The following NRXN3 variants were observed in gnomAD, a reference collection of about 807,000 sequenced individuals.
NRXN3 encodes the protein neurexin 3, also known as neurexin III.
A neutral mutation model predicts 137.6 loss-of-function variants in NRXN3; 32 were observed. That is an observed-to-expected ratio of 0.23 (90% CI 0.18 to 0.31). The LOEUF (loss-of-function observed/expected upper bound fraction) is 0.31, where lower values mean the gene tolerates loss of function less well. Among genes scored for constraint, NRXN3 ranks in the 10% least tolerant of loss-of-function variants. NRXN3 has a pLI of 1.00. For synonymous variants in NRXN3, 798 were observed against 784.5 expected, an observed-to-expected ratio of 1.02 and a Z score of -0.29; for missense variants, 1,574 against 2,062.5, an observed-to-expected ratio of 0.76 and a Z score of 4.59.
intron 4 of NRXN3, among the ~76,000 whole-genome samples, chr14:78,636,408 G>A (rs546049973): frequency 2.6e-5 from 4 of 152,186 alleles, no homozygotes; most frequent in Admixed American, 6.6e-5. Flanking sequence ...TAAAAGGCAG[G>A]TCACCTGGGA....
intron 4 of NRXN3, among the ~76,000 whole-genome samples, chr14:78,301,484 C>T (rs968410259): frequency 5.3e-5 from 8 of 152,252 alleles, no homozygotes; most frequent in African/African-American, 9.6e-5. Flanking sequence ...GTCAGAGACC[C>T]GAGCCTAGAG....
intron 10 of NRXN3, among the ~76,000 whole-genome samples, chr14:78,858,324 A>G (rs377521605): frequency 4.6e-4 from 70 of 152,112 alleles, no homozygotes; most frequent in African/African-American, 1.3e-3. Flanking sequence ...GAGCTATACC[A>G]TTGAATTATT....
intron 20 of NRXN3, among the ~76,000 whole-genome samples, chr14:79,810,189 G>T (rs1314386471): frequency 6.6e-6 from 1 of 151,500 alleles, no homozygotes; most frequent in Admixed American, 6.6e-5. Flanking sequence ...GGAGGCCACA[G>T]AGCAGAGCGA....
At chr14:78,173,861 G>T (rs1001840378) in intron 1 of NRXN3, among the ~76,000 whole-genome samples, 1 of 151,542 alleles carries the variant, frequency 6.6e-6, no homozygotes, top group Non-Finnish European at 1.5e-5. Context: ...ATACACAGGC[G>T]CCAAGGGCTT....
chr14:79,326,897 C>T (rs1171861653), intron 15 of NRXN3, among the ~76,000 whole-genome samples: 1 of 152,200 alleles, frequency 6.6e-6, no homozygotes, highest in Admixed American at 6.5e-5. Flanking sequence ...CTCTCTCTGA[C>T]TGTACCTGCT....
chr14:79,017,451 ATACAT>A (rs1568000255), intron 15 of NRXN3, among the ~76,000 whole-genome samples: 1 of 151,662 alleles, frequency 6.6e-6, no homozygotes, highest in Non-Finnish European at 1.5e-5. Context: ...TATCAACTTT[ATACAT>A]TGGACCCCAT....
intron 15 of NRXN3, among the ~76,000 whole-genome samples, chr14:79,119,095 T>C (rs1357213779): frequency 6.6e-6 from 1 of 152,222 alleles, no homozygotes; most frequent in Non-Finnish European, 1.5e-5. Flanking sequence ...TAAATTCCTC[T>C]TCAAAATTTA....
At chr14:78,262,519 C>G (rs2070914164) in intron 2 of NRXN3, among the ~76,000 whole-genome samples, 1 of 152,176 alleles carries the variant, frequency 6.6e-6, no homozygotes, top group South Asian at 2.1e-4. Flanking sequence ...CCTTGAGAAA[C>G]TTATTGCTCG....
At chr14:78,435,267 C>T (rs756225024) in intron 4 of NRXN3, among the ~76,000 whole-genome samples, 15 of 152,052 alleles carry the variant, frequency 9.9e-5, no homozygotes, top group Non-Finnish European at 2.1e-4. Context: ...TGGTGGAATC[C>T]AGACATAGTA....
intron 4 of NRXN3, among the ~76,000 whole-genome samples, chr14:78,564,366 T>C (rs1347468346): frequency 6.6e-6 from 1 of 152,196 alleles, no homozygotes; most frequent in Non-Finnish European, 1.5e-5. Context: ...TCACAAATGC[T>C]CCTCAGAATG....
intron 6 of NRXN3, among the ~76,000 whole-genome samples, chr14:78,685,338 A>G (rs1480553593): frequency 6.6e-6 from 1 of 152,132 alleles, no homozygotes. Context: ...TATCTACTCA[A>G]AACCCTCCAG....
chr14:79,239,762 C>T (rs1329533035), intron 15 of NRXN3, among the ~76,000 whole-genome samples: 1 of 152,088 alleles, frequency 6.6e-6, no homozygotes, highest in Non-Finnish European at 1.5e-5. Context: ...AAGTGTTCAT[C>T]AGAGGATAAA....
Position 79,864,099 on chromosome 14 carries a change from T to C in NRXN3, c.*2135T>C, listed in dbSNP as rs1415235215. Reference sequence around the variant, plus strand: ...GGCCCAGCCTATACGAAGTTGATTATATCTCGATGTCTGTAAAAGATTGCT... The same window carrying C: ...GGCCCAGCCTATACGAAGTTGATTACATCTCGATGTCTGTAAAAGATTGCT... On this transcript the variant is annotated 3_prime_UTR_variant, in exon 21 of 21. Coordinates refer to ENST00000335750, the MANE Select transcript of NRXN3 (RefSeq NM_001330195.2). The C allele has an allele frequency of 4.6e-5, 7 of 152,674 alleles. 1 individual carries two copies. Among genetic ancestry groups the C allele is most frequent in the Admixed American group, 4.6e-4 (7 of 15,288 alleles). The allele number at this position is 152,674 out of a possible 1,614,324, so 9.5% of individuals were successfully genotyped here.
chr14:78,243,854 C>T lies in NRXN3; in HGVS notation c.709+52C>T, dbSNP rs1442649836. ...AGACCCACCCACGGGATGGCTGAGG[C>T]TGGGGCTCCTGATACAAACCAGTTC... is the stretch of plus-strand genomic sequence containing the variant. On this transcript the variant is annotated intron_variant, in intron 2 of 20. Transcript: ENST00000335750. This position sits in a 1 kb window ranked among gnomAD's most constrained non-coding sequence, Gnocchi z 4.2. 3.7e-6 allele frequency: 5 copies of T among 1,365,786 alleles called. No homozygotes were observed. The African/African-American group carries it at 5.8e-5, about 16-fold the overall frequency. The allele number at this position is 1,365,786 out of a possible 1,614,324, so 84.6% of individuals were successfully genotyped here. A position where few individuals can be genotyped will look rare whatever the true frequency, so the allele number is the denominator to read the frequency against.
chr14:79,843,257 T>C (rs966113658), intron 20 of NRXN3, among the ~76,000 whole-genome samples: 7 of 152,354 alleles, frequency 4.6e-5, no homozygotes, highest in African/African-American at 1.7e-4. Flanking sequence ...TATAAAAGTA[T>C]GTTTATACCA....
At chr14:79,696,966 A>G (rs966872179) in intron 18 of NRXN3, among the ~76,000 whole-genome samples, 2 of 151,972 alleles carry the variant, frequency 1.3e-5, no homozygotes, top group African/African-American at 4.8e-5. Flanking sequence ...AAACAAATTA[A>G]TAGAGATAGG....
intron 15 of NRXN3, among the ~76,000 whole-genome samples, chr14:79,253,250 C>T (rs763146970): frequency 1.8e-4 from 27 of 152,230 alleles, no homozygotes; most frequent in Admixed American, 5.9e-4. Flanking sequence ...GAAAGGATTG[C>T]GTTTTGACAG....
At chr14:79,161,797 C>G (rs561026795) in intron 15 of NRXN3, among the ~76,000 whole-genome samples, 5 of 152,012 alleles carry the variant, frequency 3.3e-5, no homozygotes, top group African/African-American at 1.2e-4. Context: ...CTGAACGGGT[C>G]ATGCTTTAAT....
intron 16 of NRXN3, among the ~76,000 whole-genome samples, chr14:79,536,834 C>G (rs945201058): frequency 2.0e-5 from 3 of 151,992 alleles, no homozygotes; most frequent in African/African-American, 7.3e-5. Flanking sequence ...ATCTATATAC[C>G]ACATTGTCTT....
Sources: gnomAD v4.1 joint callset for allele counts (sites outside exome capture counted in the v4.1 genomes callset) on GRCh38, gnomAD v4.1.1 for gene constraint, Gnocchi (gnomAD v3.1) non-coding constraint, MANE v1.5 for transcripts, NCBI Gene and HGNC (gene_info 2026-07-23, HGNC 2026-07-21) for gene names.